SLC4A4: variants seen among roughly 807,000 people sequenced by gnomAD.
The protein encoded by SLC4A4 is solute carrier family 4 member 4, also known as electrogenic sodium bicarbonate cotransporter 1.
SLC4A4 carries 27 observed loss-of-function variants against 111.5 expected under a neutral mutation model. The ratio of observed to expected loss-of-function variants is 0.24; its 90% CI spans 0.18 to 0.33. The LOEUF (loss-of-function observed/expected upper bound fraction) is 0.33. Among genes scored for constraint, SLC4A4 ranks in the 10% least tolerant of loss-of-function variants. The probability of loss-of-function intolerance (pLI) is 1.00; values close to 1 mark genes in which losing one functional copy is unlikely to be tolerated. For synonymous variants in SLC4A4, 443 were observed against 463.4 expected (o/e 0.96, Z 0.57); for missense variants, 909 against 1,315.5 (o/e 0.69, Z 4.78).
chr4:71,465,706 C>A (rs1380123761), intron 12 of SLC4A4, among the ~76,000 whole-genome samples: 1 of 151,816 alleles, frequency 6.6e-6, no homozygotes, highest in South Asian at 2.1e-4. Context: ...GACACGTCAC[C>A]TTTGTTTTTA....
At chr4:71,444,624 T>C (rs1045295916) in intron 8 of SLC4A4, among the ~76,000 whole-genome samples, 1 of 152,174 alleles carries the variant, frequency 6.6e-6, no homozygotes, top group African/African-American at 2.4e-5. Flanking sequence ...TTCAGTACAT[T>C]ATAAAAGCTG....
Position 71,249,230 on chromosome 4 carries a change from T to A in SLC4A4, c.74-5990T>A, listed in dbSNP as rs1364806667. ...ATTTGCTTGCATGCCTGGTCCTGTGTAATAGGTAGCGTTAAAATTAAAATA... is the reference window on the plus strand; with the variant it reads ...ATTTGCTTGCATGCCTGGTCCTGTGAAATAGGTAGCGTTAAAATTAAAATA... On this transcript the variant is annotated intron_variant, in intron 2 of 25. Coordinates refer to ENST00000264485, the MANE Select transcript of SLC4A4 (RefSeq NM_001098484.3). 2.6e-5 allele frequency among the ~76,000 whole-genome samples: 4 copies of A among 152,150 alleles called. No homozygotes were observed. The South Asian group carries it at 8.3e-4, about 32-fold the overall frequency.
chr4:71,259,111 T>C (rs1276277903), intron 3 of SLC4A4, among the ~76,000 whole-genome samples: 1 of 152,134 alleles, frequency 6.6e-6, no homozygotes, highest in Non-Finnish European at 1.5e-5. Flanking sequence ...CTGTGCTTCA[T>C]CCGTGGCAAT....
chr4:71,226,234 T>G (rs766242986), intron 1 of SLC4A4, among the ~76,000 whole-genome samples: 3 of 152,182 alleles, frequency 2.0e-5, no homozygotes, highest in Admixed American at 6.5e-5. Flanking sequence ...GCCTCAAAGC[T>G]CCTGGGCTCA....
At chr4:71,264,340 A>G (rs1368476277) in intron 3 of SLC4A4, among the ~76,000 whole-genome samples, 1 of 152,168 alleles carries the variant, frequency 6.6e-6, no homozygotes, top group East Asian at 1.9e-4. Context: ...ATTGTTATTA[A>G]ACACTTTGTA....
In SLC4A4 at chr4:71,120,697, A is replaced by T. The variant is rs182603991; in HGVS notation, c.-2+27905A>T. Among the ~76,000 whole-genome samples, 391 of 152,316 alleles carry T rather than the reference A, an allele frequency of 2.6e-3. 4 individuals carry two copies. The highest frequency in any genetic ancestry group is 0.014 in the Middle Eastern group (4 of 294). On this transcript the variant is annotated intron_variant, in intron 2 of 26. Transcript: ENST00000649996. The stretch of plus-strand genomic sequence containing the variant: ...AGCCTGGTCAACATGGTGAAACCCC[A>T]TCTCTAATAAAAATACAAAAATTAG...
chr4:71,068,525 C>T (rs375268802), intron 1 of SLC4A4, among the ~76,000 whole-genome samples: 1 of 151,932 alleles, frequency 6.6e-6, no homozygotes, highest in Non-Finnish European at 1.5e-5. Context: ...TTTTCATCAC[C>T]ATACATTAGT....
chr4:71,118,060 G>C (rs1168953585), intron 2 of SLC4A4, among the ~76,000 whole-genome samples: 2 of 152,056 alleles, frequency 1.3e-5, no homozygotes, highest in Non-Finnish European at 1.5e-5. Flanking sequence ...ATTTTTAGCA[G>C]AGATGGGGTT....
intron 1 of SLC4A4, among the ~76,000 whole-genome samples, chr4:71,092,192 A>T (rs1255560910): frequency 6.6e-6 from 1 of 152,220 alleles, no homozygotes; most frequent in Non-Finnish European, 1.5e-5. Context: ...GAACTGGCAA[A>T]CTGTTCAGTA....
chr4:71,297,676 C>T (rs1203807646), intron 3 of SLC4A4, among the ~76,000 whole-genome samples: 1 of 151,304 alleles, frequency 6.6e-6, no homozygotes, highest in Non-Finnish European at 1.5e-5. Flanking sequence ...CAACCTCCGC[C>T]TCCGAGGTTC....
At chr4:71,447,572 C>T (rs1486864384) in intron 8 of SLC4A4, 74 bp from the exon 9 acceptor site, 1 of 925,630 alleles carries the variant, frequency 1.1e-6, no homozygotes, top group African/African-American at 1.6e-5. Flanking sequence ...CTAAGTTAAA[C>T]ATTTCTCAGT....
intron 3 of SLC4A4, among the ~76,000 whole-genome samples, chr4:71,257,679 T>C (rs1185876575): frequency 6.6e-6 from 1 of 152,236 alleles, no homozygotes; most frequent in African/African-American, 2.4e-5. Flanking sequence ...TCTGTTGTTC[T>C]GTGACCTATG....
chr4:71,210,166 C>T (rs1718045783), intron 1 of SLC4A4, among the ~76,000 whole-genome samples: 8 of 152,170 alleles, frequency 5.3e-5, no homozygotes. Context: ...CCTGAGCTCA[C>T]CTGCATGTTG....
intron 18 of SLC4A4, among the ~76,000 whole-genome samples, chr4:71,536,474 A>ATTTATTATATTTG (rs1734474730): frequency 1.1e-5 from 1 of 89,346 alleles, no homozygotes; most frequent in African/African-American, 3.9e-5. Context: ...ACATATATAT[A>ATTTATTATATTTG]TATATATATA....
At chr4:71,093,177 C>G (rs572286414) in intron 2 of SLC4A4, among the ~76,000 whole-genome samples, 1 of 151,208 alleles carries the variant, frequency 6.6e-6, no homozygotes, top group Non-Finnish European at 1.5e-5. Context: ...TTCTTTTTTT[C>G]CTTTTTCTTG....
At chr4:71,347,986 G>C (rs1264208491) in intron 4 of SLC4A4, among the ~76,000 whole-genome samples, 1 of 152,044 alleles carries the variant, frequency 6.6e-6, no homozygotes, top group African/African-American at 2.4e-5. Context: ...CATATATGAT[G>C]ATATCTTCCT....
chr4:71,100,188 G>C (rs760612541), intron 2 of SLC4A4, among the ~76,000 whole-genome samples: 4 of 152,104 alleles, frequency 2.6e-5, no homozygotes, highest in Non-Finnish European at 5.9e-5. Flanking sequence ...GATGAATATA[G>C]ATGCAAAATC....
At chr4:71,457,832 C>T (rs1035945503) in intron 12 of SLC4A4, among the ~76,000 whole-genome samples, 3 of 151,996 alleles carry the variant, frequency 2.0e-5, no homozygotes, top group African/African-American at 2.4e-5. Context: ...CAAAATTCAT[C>T]GATGTGCAAA....
At chr4:71,501,679 T>G (rs1163194508) in intron 16 of SLC4A4, among the ~76,000 whole-genome samples, 1 of 151,994 alleles carries the variant, frequency 6.6e-6, no homozygotes, top group Non-Finnish European at 1.5e-5. Flanking sequence ...TTGTTTGTTT[T>G]GAGACAGAGT....
Sources: gnomAD v4.1 joint callset for allele counts (sites outside exome capture counted in the v4.1 genomes callset) on GRCh38, gnomAD v4.1.1 for gene constraint, MANE v1.5 for transcripts, NCBI Gene and HGNC (gene_info 2026-07-23, HGNC 2026-07-21) for gene names.